STIM2: variants seen among roughly 807,000 people sequenced by gnomAD.
The protein encoded by STIM2 is stromal interaction molecule 2.
A neutral mutation model predicts 85.8 loss-of-function variants in STIM2; 31 were observed. That is an observed-to-expected ratio of 0.36 (90% confidence interval 0.27 to 0.49). STIM2 has a LOEUF of 0.49. Among genes scored for constraint, STIM2 ranks in the 20% least tolerant of loss-of-function variants. The pLI, the probability that STIM2 is intolerant of heterozygous loss-of-function variation, is 0.98. For synonymous variants in STIM2, 356 were observed against 331.1 expected (o/e 1.08, Z -0.82); for missense variants, 841 against 927.6 (o/e 0.91, Z 1.21).
chr4:26,958,321 A>C (rs1679295372), intron 3 of STIM2, among the ~76,000 whole-genome samples: 2 of 152,162 alleles, frequency 1.3e-5, no homozygotes, highest in South Asian at 4.1e-4. Flanking sequence ...AAAATTTTAC[A>C]AGTCCCCTAA....
chr4:26,889,081 AG>A (rs1723365601), intron 1 of STIM2, among the ~76,000 whole-genome samples: 1 of 152,180 alleles, frequency 6.6e-6, no homozygotes, highest in Non-Finnish European at 1.5e-5. Context: ...GTTAAAGAAT[AG>A]GCAACAAAAA....
At chr4:26,973,785 G>A (rs59747514) in intron 3 of STIM2, among the ~76,000 whole-genome samples, 3,677 of 152,116 alleles carry the variant, frequency 0.024, 137 homozygotes, top group African/African-American at 0.078. Context: ...TCAAGTCCTG[G>A]ATATCCTTGT....
At chr4:26,932,842 G>A (rs975898612) in intron 2 of STIM2, among the ~76,000 whole-genome samples, 2 of 152,180 alleles carry the variant, frequency 1.3e-5, no homozygotes, top group African/African-American at 2.4e-5. Flanking sequence ...CCTATTGTCT[G>A]CCAGACAGTG....
intron 3 of STIM2, among the ~76,000 whole-genome samples, chr4:26,993,187 T>C (rs1727825890): frequency 6.6e-6 from 1 of 152,094 alleles, no homozygotes; most frequent in Non-Finnish European, 1.5e-5. Context: ...GCAGTTCATC[T>C]TGAATAGGAA....
At chr4:26,892,508 T>G (rs781148489) in intron 1 of STIM2, among the ~76,000 whole-genome samples, 15 of 152,162 alleles carry the variant, frequency 9.9e-5, no homozygotes, top group Non-Finnish European at 2.1e-4. Flanking sequence ...GGAGTTAGGA[T>G]TTTAACATAT....
At chr4:26,955,812 G>C (rs1438103110) in intron 2 of STIM2, among the ~76,000 whole-genome samples, 4 of 125,472 alleles carry the variant, frequency 3.2e-5, no homozygotes, top group African/African-American at 7.1e-5. Flanking sequence ...CTGTGGAAGT[G>C]TTTTCTAATT....
intron 3 of STIM2, among the ~76,000 whole-genome samples, chr4:26,993,022 TTTGA>T (rs774147743): frequency 1.3e-4 from 20 of 152,158 alleles, no homozygotes; most frequent in Non-Finnish European, 2.1e-4. Flanking sequence ...GTGGGATGAC[TTTGA>T]TGTGCTGAAG....
chr4:26,932,174 T>TA (rs1725228083), intron 2 of STIM2, among the ~76,000 whole-genome samples: 1 of 152,212 alleles, frequency 6.6e-6, no homozygotes, highest in South Asian at 2.1e-4. Flanking sequence ...TTGTAAATGA[T>TA]AGAGTTGAGG....
rs148199305 is a variant in STIM2 at position 26,995,400 on chromosome 4, A to C, written c.419A>C (p.Asp140Ala). The C allele has an allele frequency of 4.4e-6, 7 of 1,588,330 alleles. No individual in the cohort carries two copies. The highest frequency in any genetic ancestry group is 6.0e-6 in the Non-Finnish European group (7 of 1,168,610). The change falls in exon 4 of 12, where the codon GAC becomes GCC. Residue 140 changes from aspartate to alanine, a missense_variant. Transcript: ENST00000467087. Reference sequence around the variant, plus strand: ...GCAGTTCATAATTGGACCCTTGAAGACACTCTTCAGTGGTTGATAGAGTTT... The same window carrying C: ...GCAGTTCATAATTGGACCCTTGAAGCCACTCTTCAGTGGTTGATAGAGTTT...
intron 1 of STIM2, among the ~76,000 whole-genome samples, chr4:26,877,083 A>G (rs757511070): frequency 3.6e-4 from 54 of 152,106 alleles, no homozygotes; most frequent in Non-Finnish European, 6.9e-4. Flanking sequence ...TTTTCAGATA[A>G]TTCTTTTTTC....
intron 3 of STIM2, among the ~76,000 whole-genome samples, chr4:26,989,199 TG>T: frequency 6.6e-6 from 1 of 152,156 alleles, no homozygotes; most frequent in Non-Finnish European, 1.5e-5. Context: ...TCTCCCAAAG[TG>T]GTAGGATTAC....
intron 7 of STIM2, among the ~76,000 whole-genome samples, chr4:27,006,827 C>G (rs1159675112): frequency 6.6e-6 from 1 of 152,144 alleles, no homozygotes; most frequent in Non-Finnish European, 1.5e-5. Context: ...AATCTGTTTT[C>G]TCAAAATCTG....
At chr4:26,929,639 C>G (rs1327729334) in intron 2 of STIM2, among the ~76,000 whole-genome samples, 1 of 150,276 alleles carries the variant, frequency 6.7e-6, no homozygotes, top group Non-Finnish European at 1.5e-5. Flanking sequence ...ATTTTTTTTT[C>G]TCTTTAGTAT....
chr4:26,861,309 G>GCCGCAACTGCCGCCTCCTCTC lies in STIM2; in HGVS notation c.96_116dup (p.Thr33_Ala39dup). 1.4e-6 allele frequency: 2 copies of GCCGCAACTGCCGCCTCCTCTC among 1,422,222 alleles called. No individual in the cohort carries two copies. The highest frequency in any genetic ancestry group is 1.4e-5 in the South Asian group (1 of 70,136). 88.1% of individuals were successfully genotyped at this position (1,422,222 alleles called of 1,614,324 possible). A position where few individuals can be genotyped will look rare whatever the true frequency, so the allele number is the denominator to read the frequency against. On this transcript the variant is annotated inframe_insertion, in exon 1 of 12. Transcript: ENST00000467087. ...CCGCGGGCGGCGGGCGACTGGCTCT[G>GCCGCAACTGCCGCCTCCTCTC]CCGCAACTGCCGCCTCCTCTCCCGC...
At chr4:26,900,713 C>T (rs1723888150) in intron 1 of STIM2, among the ~76,000 whole-genome samples, 1 of 152,122 alleles carries the variant, frequency 6.6e-6, no homozygotes, top group Non-Finnish European at 1.5e-5. Flanking sequence ...TTATTTTCTC[C>T]AGGTGTACTC....
intron 1 of STIM2, among the ~76,000 whole-genome samples, chr4:26,879,754 C>T (rs1560192124): frequency 6.6e-6 from 1 of 152,184 alleles, no homozygotes; most frequent in Non-Finnish European, 1.5e-5. Flanking sequence ...ATTAGAAACA[C>T]ACTTTAAGTT....
intron 1 of STIM2, among the ~76,000 whole-genome samples, chr4:26,862,456 C>T (rs1413092383): frequency 1.3e-5 from 2 of 151,892 alleles, no homozygotes; most frequent in Non-Finnish European, 2.9e-5. Flanking sequence ...GTCCTGCGGG[C>T]GTCTGGAAGT....
At chr4:26,883,107 C>T (rs1184542097) in intron 1 of STIM2, among the ~76,000 whole-genome samples, 1 of 151,832 alleles carries the variant, frequency 6.6e-6, no homozygotes, top group African/African-American at 2.4e-5. Context: ...CCTTGGCCTC[C>T]CAAAGTGCTG....
chr4:26,893,682 T>C (rs765916039), intron 1 of STIM2, among the ~76,000 whole-genome samples: 2 of 152,228 alleles, frequency 1.3e-5, no homozygotes, highest in Non-Finnish European at 2.9e-5. Context: ...TTAGGTGATA[T>C]CAGCTTTCCT....
Sources: allele counts gnomAD v4.1 joint callset (sites outside exome capture counted in the v4.1 genomes callset), GRCh38; gene constraint gnomAD v4.1.1; transcripts MANE v1.5; gene names NCBI Gene and HGNC (gene_info 2026-07-23, HGNC 2026-07-21).